Variants in NEDD4L observed in about 807,000 individuals in gnomAD.
NEDD4L encodes the protein E3 ubiquitin-protein ligase NEDD4-like.
A neutral mutation model predicts 148.9 loss-of-function variants in NEDD4L; 54 were observed. That is an observed-to-expected ratio of 0.36 (90% confidence interval 0.29 to 0.45). The LOEUF is 0.45. Ranked by LOEUF, NEDD4L falls within the 20% of genes least tolerant of loss-of-function variation. NEDD4L has a pLI of 1.00. For synonymous variants in NEDD4L, 433 were observed against 440.7 expected (o/e 0.98, Z 0.22); for missense variants, 856 against 1,233.8 (o/e 0.69, Z 4.59).
At chr18:58,202,919 T>C (rs1228985514) in intron 2 of NEDD4L, among the ~76,000 whole-genome samples, 3 of 152,230 alleles carry the variant, frequency 2.0e-5, no homozygotes, top group Non-Finnish European at 2.9e-5. Context: ...GGTGTGTCCA[T>C]GTGTGCACAT....
At chr18:58,114,164 C>A (rs1240759192) in intron 1 of NEDD4L, among the ~76,000 whole-genome samples, 1 of 152,048 alleles carries the variant, frequency 6.6e-6, no homozygotes, top group African/African-American at 2.4e-5. Flanking sequence ...CTGAGTGACC[C>A]TTCCATCATT....
At chr18:58,209,760 G>C (rs961751692) in intron 2 of NEDD4L, among the ~76,000 whole-genome samples, 1 of 152,020 alleles carries the variant, frequency 6.6e-6, no homozygotes, top group Non-Finnish European at 1.5e-5. Flanking sequence ...GAGATGATAA[G>C]ATTTAAAAGT....
intron 2 of NEDD4L, among the ~76,000 whole-genome samples, chr18:58,176,412 T>C (rs78056302): frequency 0.06 from 9,086 of 152,262 alleles, 404 homozygotes; most frequent in East Asian, 0.22. Context: ...CATAGCTCAC[T>C]GTAACCTCAA....
intron 1 of NEDD4L, among the ~76,000 whole-genome samples, chr18:58,089,838 T>C (rs1453289716): frequency 4.1e-5 from 6 of 144,678 alleles, no homozygotes; most frequent in African/African-American, 1.3e-4. Context: ...AAACTTCCTT[T>C]TCCTTTTTTT....
At chr18:58,318,335 C>T (rs943759228) in intron 6 of NEDD4L, among the ~76,000 whole-genome samples, 5 of 152,196 alleles carry the variant, frequency 3.3e-5, no homozygotes, top group African/African-American at 4.8e-5. Flanking sequence ...GCAGGAGGAT[C>T]GCTTGAGTCC....
At chr18:58,276,624 A>C (rs1318024828) in intron 5 of NEDD4L, among the ~76,000 whole-genome samples, 1 of 151,694 alleles carries the variant, frequency 6.6e-6, no homozygotes, top group African/African-American at 2.4e-5. Context: ...GGAATTAATG[A>C]GGGTAACTTT....
At chr18:58,388,725 C>T (rs1346572831) in intron 27 of NEDD4L, 1 of 215,192 alleles carries the variant, frequency 4.6e-6, no homozygotes, top group African/African-American at 2.3e-5. Flanking sequence ...GAGGAATAAC[C>T]TCTCAGGAGG....
intron 5 of NEDD4L, among the ~76,000 whole-genome samples, chr18:58,280,766 A>G (rs1350379812): frequency 6.6e-6 from 1 of 152,176 alleles, no homozygotes; most frequent in African/African-American, 2.4e-5. Flanking sequence ...CATCATTACT[A>G]TGTTCACTGT....
chr18:58,242,569 C>T (rs1027446189), intron 2 of NEDD4L, among the ~76,000 whole-genome samples: 2 of 152,112 alleles, frequency 1.3e-5, no homozygotes, highest in East Asian at 1.9e-4. Flanking sequence ...GGCACAATCT[C>T]GGTTCGCTGC....
intron 3 of NEDD4L, chr18:58,247,715 C>T (rs181018247): frequency 7.9e-5 from 12 of 152,664 alleles, no homozygotes; most frequent in African/African-American, 2.9e-4. Context: ...TCGTTTTGTG[C>T]TCTCCTGTCT....
intron 2 of NEDD4L, among the ~76,000 whole-genome samples, chr18:58,217,863 T>A (rs2043314152): frequency 6.6e-6 from 1 of 152,246 alleles, no homozygotes; most frequent in Non-Finnish European, 1.5e-5. Flanking sequence ...TTTTTTAGAA[T>A]GATGCTTTTT....
intron 2 of NEDD4L, among the ~76,000 whole-genome samples, chr18:58,193,103 T>C (rs894078673): frequency 1.3e-5 from 2 of 152,186 alleles, no homozygotes; most frequent in South Asian, 2.1e-4. Flanking sequence ...GATGCGAGAC[T>C]ATTTCTTGAT....
chr18:58,112,823 C>A (rs979385152), intron 1 of NEDD4L, among the ~76,000 whole-genome samples: 4 of 152,140 alleles, frequency 2.6e-5, no homozygotes, highest in African/African-American at 9.7e-5. Flanking sequence ...AATGTGAAAT[C>A]ATGTGGTCTC....
At chr18:58,378,783 A>C (rs1402431741) in intron 24 of NEDD4L, among the ~76,000 whole-genome samples, 1 of 152,212 alleles carries the variant, frequency 6.6e-6, no homozygotes, top group Non-Finnish European at 1.5e-5. Flanking sequence ...TGCTCCACCC[A>C]AGTCCAGCAT....
At chr18:58,094,910 A>C (rs1392991242) in intron 1 of NEDD4L, among the ~76,000 whole-genome samples, 1 of 152,084 alleles carries the variant, frequency 6.6e-6, no homozygotes, top group Non-Finnish European at 1.5e-5. Flanking sequence ...TAAAAAAAAA[A>C]AAAAAAAAGA....
chr18:58,202,422 A>T (rs917052375), intron 2 of NEDD4L, among the ~76,000 whole-genome samples: 2 of 152,242 alleles, frequency 1.3e-5, no homozygotes, highest in African/African-American at 2.4e-5. Flanking sequence ...GCAATGTAAG[A>T]TGTCAGGCCC....
At chr18:58,347,909 T>C (rs1461834829) in intron 16 of NEDD4L, among the ~76,000 whole-genome samples, 5 of 152,178 alleles carry the variant, frequency 3.3e-5, no homozygotes, top group African/African-American at 4.8e-5. Context: ...GAAGCTGATA[T>C]CAAATGTCTT....
At chr18:58,298,991 C>A (rs1005687384) in intron 5 of NEDD4L, among the ~76,000 whole-genome samples, 2 of 152,150 alleles carry the variant, frequency 1.3e-5, no homozygotes, top group Admixed American at 1.3e-4. Context: ...TTAGTCACAT[C>A]CCTCGAATGT....
At chr18:58,105,098 A>G (rs905271579) in intron 1 of NEDD4L, among the ~76,000 whole-genome samples, 12 of 152,164 alleles carry the variant, frequency 7.9e-5, no homozygotes, top group Non-Finnish European at 1.0e-4. Flanking sequence ...CTTATAAGGT[A>G]TGGTAACTAT....
Sources: allele counts gnomAD v4.1 joint callset (sites outside exome capture counted in the v4.1 genomes callset), GRCh38; gene constraint gnomAD v4.1.1; transcripts MANE v1.5; gene names NCBI Gene and HGNC (gene_info 2026-07-23, HGNC 2026-07-21).